FMN1: variants seen among roughly 807,000 people sequenced by gnomAD.
FMN1 encodes formin-1.
In FMN1, 110 loss-of-function variants were observed where a neutral mutation model predicts 132.4. The observed-to-expected ratio is 0.83, with a 90% CI of 0.71 to 0.97. The LOEUF (loss-of-function observed/expected upper bound fraction) is 0.97. Ranked by LOEUF, FMN1 falls within the 50% of genes least tolerant of loss-of-function variation. The probability of loss-of-function intolerance (pLI) is 0.00; values close to 1 mark genes in which losing one functional copy is unlikely to be tolerated. For missense variants in FMN1, 1,792 were observed against 1,705.3 expected (o/e 1.05, Z -0.90); for synonymous variants, 722 against 651.7 (o/e 1.11, Z -1.64).
At chr15:32,933,438 T>C (rs1232136656) in intron 9 of FMN1, among the ~76,000 whole-genome samples, 1 of 152,198 alleles carries the variant, frequency 6.6e-6, no homozygotes. Flanking sequence ...AGAATGTGTT[T>C]CAAAACCCAA....
At chr15:32,977,583 C>G (rs559386821) in intron 7 of FMN1, among the ~76,000 whole-genome samples, 2 of 152,222 alleles carry the variant, frequency 1.3e-5, no homozygotes, top group South Asian at 4.1e-4. Flanking sequence ...TTATATATGT[C>G]TGAAATGAGA....
chr15:32,995,828 A>C (rs2033734725), intron 7 of FMN1, among the ~76,000 whole-genome samples: 2 of 152,240 alleles, frequency 1.3e-5, no homozygotes, highest in Non-Finnish European at 2.9e-5. Flanking sequence ...CTGCTTATAC[A>C]TATTCAGATG....
At chr15:33,061,424 T>C (rs1244988807) in intron 6 of FMN1, among the ~76,000 whole-genome samples, 1 of 152,034 alleles carries the variant, frequency 6.6e-6, no homozygotes, top group Non-Finnish European at 1.5e-5. Flanking sequence ...ACAAGATATA[T>C]ACATATATAC....
chr15:32,994,696 GAA>G (rs1489985194), intron 7 of FMN1, among the ~76,000 whole-genome samples: 2 of 152,196 alleles, frequency 1.3e-5, no homozygotes, highest in East Asian at 3.8e-4. Flanking sequence ...GAATGATTGA[GAA>G]AGACCTCTAT....
chr15:33,157,676 A>G (rs1437980429), intron 3 of FMN1, among the ~76,000 whole-genome samples: 3 of 152,066 alleles, frequency 2.0e-5, no homozygotes, highest in African/African-American at 7.2e-5. Context: ...TTTCTTAACA[A>G]TGTCTCACAT....
intron 6 of FMN1, among the ~76,000 whole-genome samples, chr15:33,014,984 A>G (rs1354691074): frequency 1.3e-5 from 2 of 152,236 alleles, no homozygotes; most frequent in Non-Finnish European, 2.9e-5. Context: ...AACTCCTGCC[A>G]TCCTCACATC....
At chr15:32,785,780 C>T (rs1024128879) in intron 19 of FMN1, among the ~76,000 whole-genome samples, 12 of 151,892 alleles carry the variant, frequency 7.9e-5, no homozygotes, top group Admixed American at 1.3e-4. Context: ...AATTAATCAC[C>T]GCTCGACTCA....
intron 17 of FMN1, among the ~76,000 whole-genome samples, chr15:32,822,337 G>A (rs1036765214): frequency 6.6e-6 from 1 of 152,082 alleles, no homozygotes. Flanking sequence ...GTGACAGAGT[G>A]AGAGTCTGTC....
At chr15:33,081,063 T>G (rs1474634958) in intron 5 of FMN1, among the ~76,000 whole-genome samples, 1 of 152,168 alleles carries the variant, frequency 6.6e-6, no homozygotes, top group Non-Finnish European at 1.5e-5. Flanking sequence ...CACACAGATG[T>G]ACACTGCCTC....
At chr15:33,123,425 G>A (rs2140184651) in intron 4 of FMN1, among the ~76,000 whole-genome samples, 1 of 152,236 alleles carries the variant, frequency 6.6e-6, no homozygotes, top group Non-Finnish European at 1.5e-5. Context: ...TTTGTTGAAT[G>A]AATACATGGC....
At chr15:32,925,236 T>C (rs557012974) in intron 10 of FMN1, among the ~76,000 whole-genome samples, 14 of 152,338 alleles carry the variant, frequency 9.2e-5, no homozygotes, top group South Asian at 6.2e-4. Context: ...GAAGAAATGA[T>C]GGAATTAGTA....
intron 10 of FMN1, among the ~76,000 whole-genome samples, 170 bp downstream of exon 10, chr15:32,926,003 GA>G (rs1343694071): frequency 6.6e-6 from 1 of 152,172 alleles, no homozygotes; most frequent in Non-Finnish European, 1.5e-5. Context: ...TACTTGGTGA[GA>G]GGGGGGCATT....
intron 9 of FMN1, among the ~76,000 whole-genome samples, chr15:32,930,905 T>C (rs937159591): frequency 4.6e-5 from 7 of 152,188 alleles, no homozygotes; most frequent in Non-Finnish European, 8.8e-5. Flanking sequence ...CATTCTTTTG[T>C]GTGTGGATAG....
chr15:32,782,111 G>T (rs1222674302), intron 19 of FMN1, among the ~76,000 whole-genome samples: 1 of 152,148 alleles, frequency 6.6e-6, no homozygotes, highest in East Asian at 1.9e-4. Context: ...AGCACTTTGT[G>T]CCTCTCTTAA....
chr15:33,121,096 G>C (rs911236382), intron 4 of FMN1, among the ~76,000 whole-genome samples: 3 of 151,082 alleles, frequency 2.0e-5, no homozygotes, highest in Non-Finnish European at 4.4e-5. Flanking sequence ...AGGTTGGCTA[G>C]ATGATGTTGT....
intron 10 of FMN1, among the ~76,000 whole-genome samples, chr15:32,910,956 T>C (rs940756260): frequency 2.0e-5 from 3 of 152,238 alleles, no homozygotes; most frequent in Admixed American, 6.5e-5. Flanking sequence ...AAAGACAATG[T>C]TGGCAAATTA....
chr15:32,792,649 G>C (rs1297481737), intron 19 of FMN1, among the ~76,000 whole-genome samples: 1 of 152,054 alleles, frequency 6.6e-6, no homozygotes, highest in Non-Finnish European at 1.5e-5. Flanking sequence ...TACATTTCCT[G>C]GTCTCCCTTG....
intron 9 of FMN1, among the ~76,000 whole-genome samples, chr15:32,952,039 C>T (rs1259982311): frequency 6.6e-6 from 1 of 152,196 alleles, no homozygotes; most frequent in Non-Finnish European, 1.5e-5. Context: ...GGTATGAACT[C>T]TCTGTGCAGG....
chr15:32,863,203 G>A (rs112503426), intron 16 of FMN1, among the ~76,000 whole-genome samples: 23,928 of 152,150 alleles, frequency 0.16, 2,479 homozygotes, highest in Admixed American at 0.26. Flanking sequence ...CAGCACTTTG[G>A]GAGGCCGAGG....
Sources: allele counts gnomAD v4.1 joint callset (sites outside exome capture counted in the v4.1 genomes callset), GRCh38; gene constraint gnomAD v4.1.1; transcripts MANE v1.5; gene names NCBI Gene and HGNC (gene_info 2026-07-23, HGNC 2026-07-21).